The following KLHDC2 variants were observed in gnomAD, a reference collection of about 807,000 sequenced individuals.
KLHDC2 encodes kelch domain containing 2, also known as kelch domain-containing protein 2.
KLHDC2 carries 38 observed loss-of-function variants against 62.3 expected under a neutral mutation model. The observed-to-expected ratio is 0.61, with a 90% CI of 0.47 to 0.80. The LOEUF (loss-of-function observed/expected upper bound fraction) is 0.80, where lower values mean the gene tolerates loss of function less well. Among genes scored for constraint, KLHDC2 ranks in the 30% least tolerant of loss-of-function variants. The pLI is 0.00. For synonymous variants in KLHDC2, 159 were observed against 161.0 expected (o/e 0.99, Z 0.09); for missense variants, 430 against 495.3 (o/e 0.87, Z 1.25).
At position 49,780,554 on chromosome 14, in the gene KLHDC2, T is replaced by G. The variant is rs181926914; in HGVS notation, c.884-149T>G. 372 of 677,034 alleles carry G rather than the reference T, an allele frequency of 5.5e-4. 1 individual carries two copies. The African/African-American group carries it at 5.5e-3, about 10-fold the overall frequency. 41.9% of individuals were successfully genotyped at this position (677,034 alleles called of 1,614,324 possible). On this transcript the variant is annotated intron_variant, in intron 9 of 12. Transcript: ENST00000298307. ...GAAGGGCTACAACATGCAAAGGGCT[T>G]ACTTGGCTAATTGCAGGGGGGGGAA...
chr14:49,768,234 C>G lies in KLHDC2; in HGVS notation c.-235C>G. 1 of 387,048 alleles carries G rather than the reference C, an allele frequency of 2.6e-6. No homozygotes were observed. The highest frequency in any genetic ancestry group is 6.5e-5 in the South Asian group (1 of 15,378). 24.0% of individuals were successfully genotyped at this position (387,048 alleles called of 1,614,324 possible). The stretch of plus-strand genomic sequence containing the variant: ...AGTCCCGGGCCCGCGCCGCCGCCGC[C>G]CGGCTCCGCTCGCGGCCCCTCTGTC... On this transcript the variant is annotated 5_prime_UTR_variant, in exon 1 of 13. Coordinates refer to ENST00000298307, the MANE Select transcript of KLHDC2 (RefSeq NM_014315.3).
chr14:49,778,009 C>T (rs956828845), intron 4 of KLHDC2, 55 bp downstream of exon 4: 2 of 1,122,288 alleles, frequency 1.8e-6, no homozygotes, highest in African/African-American at 3.1e-5. Flanking sequence ...GTTTACCATT[C>T]AGGTATCCTT....
At chr14:49,769,782 CAAAA>C (rs5808513) in intron 1 of KLHDC2, among the ~76,000 whole-genome samples, 1 of 150,452 alleles carries the variant, frequency 6.6e-6, no homozygotes, top group African/African-American at 2.4e-5. Flanking sequence ...ACTAAAAATA[CAAAA>C]AAAAAAATTA....
intron 9 of KLHDC2, 80 bp from the exon 10 acceptor site, chr14:49,780,623 C>T: frequency 1.0e-6 from 1 of 975,718 alleles, no homozygotes. Flanking sequence ...GATCTATTAC[C>T]TTTCTTGCCA....
At chr14:49,774,802 T>C (rs952740625) in intron 3 of KLHDC2, 124 bp downstream of exon 3, 2 of 745,968 alleles carry the variant, frequency 2.7e-6, no homozygotes, top group African/African-American at 3.5e-5. Context: ...GTGTACTTGA[T>C]TATGATATGA....
Position 49,784,666 on chromosome 14 carries a change from T to C in KLHDC2, c.*1713T>C. ...TCCTTTTTACGTTCAGAAGATTGGG[T>C]GCAGACACTTTCACTTTGCCAGGAA... is the stretch of plus-strand genomic sequence containing the variant. On this transcript the variant is annotated 3_prime_UTR_variant, in exon 13 of 13. Transcript: ENST00000298307. 1.9e-6 allele frequency: 3 copies of C among 1,612,364 alleles called. No individual in the cohort carries two copies. The highest frequency in any genetic ancestry group is 2.5e-6 in the Non-Finnish European group (3 of 1,179,100).
chr14:49,777,587 C>T (rs1284096806), intron 3 of KLHDC2, among the ~76,000 whole-genome samples: 1 of 140,518 alleles, frequency 7.1e-6, no homozygotes, highest in African/African-American at 2.6e-5. Context: ...GACCCTGTCT[C>T]TTAAAAAAAA....
In KLHDC2 at chr14:49,783,063, G is replaced by GC. The variant is rs1384348019; in HGVS notation, c.*110_*111insC. 8.6e-7 allele frequency: 1 copy of GC among 1,157,090 alleles called. No individual in the cohort carries two copies. The highest frequency in any genetic ancestry group is 2.5e-5 in the Admixed American group (1 of 39,346). 71.7% of individuals were successfully genotyped at this position (1,157,090 alleles called of 1,614,324 possible). On this transcript the variant is annotated 3_prime_UTR_variant, in exon 13 of 13. Transcript: ENST00000298307. Reference sequence around the variant, plus strand: ...TGCATTGTTGTAGTTTGCACCTGTTGGTTTTAATGTGCATGTGAATGGCCT... The same window carrying GC: ...TGCATTGTTGTAGTTTGCACCTGTTGCGTTTTAATGTGCATGTGAATGGCCT...
rs527236943 is a variant in KLHDC2 at position 49,777,054 on chromosome 14, A to C, written c.352-785A>C. On this transcript the variant is annotated intron_variant, in intron 3 of 12. Transcript: ENST00000298307. ...ATGTGGTGCATATATATACCAGGGA[A>C]TACTACTCCGCCATAAGAAGGAACA... Among the ~76,000 whole-genome samples, 13 of 152,282 alleles carry C rather than the reference A, an allele frequency of 8.5e-5. No individual in the cohort carries two copies. In the South Asian group the frequency reaches 2.5e-3, roughly 29 times the overall value.
rs764793049 is a variant in KLHDC2, at chr14:49,768,573, C to T, written c.105C>T (p.His35=). 2 of 1,606,330 alleles carry T rather than the reference C, an allele frequency of 1.2e-6. No individual in the cohort carries two copies. Among genetic ancestry groups the T allele is most frequent in the African/African-American group, 1.3e-5 (1 of 74,378 alleles). Residue 35 remains histidine, a synonymous_variant, in exon 1 of 13, where the codon CAC becomes CAT. Coordinates refer to ENST00000298307, the MANE Select transcript of KLHDC2 (RefSeq NM_014315.3). ...CCTGCCCCGCTGAGCGCAGCGGCCACGTAGCCGTCAGCGACGGGCGCCACA... is the reference window on the plus strand; with the variant it reads ...CCTGCCCCGCTGAGCGCAGCGGCCATGTAGCCGTCAGCGACGGGCGCCACA... ...ELACPAERSG[H]VAVSDGRHMF... is the part of the protein sequence containing the mutation.
intron 2 of KLHDC2, among the ~76,000 whole-genome samples, chr14:49,773,405 C>G (rs1190900650): frequency 5.4e-5 from 5 of 91,782 alleles, no homozygotes; most frequent in Admixed American, 1.2e-4. Context: ...AAGAGTCAGA[C>G]TCCATCTCAA....
In KLHDC2 at chr14:49,784,975, G is replaced by A. The variant is rs188828470; in HGVS notation, c.*2022G>A. ...TCTCTTGCTGTTGCTTCTTTGGAAT[G>A]CATGAAACTATTCAAGGCTGTTTTT... is the stretch of plus-strand genomic sequence containing the variant. On this transcript the variant is annotated 3_prime_UTR_variant, in exon 13 of 13. Transcript: ENST00000298307. The A allele has an allele frequency of 4.2e-4, 677 of 1,613,786 alleles. No homozygotes were observed. The highest frequency in any genetic ancestry group is 5.4e-4 in the Non-Finnish European group (634 of 1,179,834).
chr14:49,768,856 C>T lies in KLHDC2; in HGVS notation c.153+235C>T, dbSNP rs949370998. ...GCTGCTGTCATGTCACCCTGGTGCTCACAAAGCCAACTCACTCCCACCCCC... is the reference window on the plus strand; with the variant it reads ...GCTGCTGTCATGTCACCCTGGTGCTTACAAAGCCAACTCACTCCCACCCCC... On this transcript the variant is annotated intron_variant, in intron 1 of 12. Transcript: ENST00000298307. 1.4e-5 allele frequency: 7 copies of T among 489,162 alleles called. No individual in the cohort carries two copies. The African/African-American group carries it at 1.4e-4, about 10-fold the overall frequency. The allele number at this position is 489,162 out of a possible 1,614,324, so 30.3% of individuals were successfully genotyped here.
At chr14:49,781,385 A>AAAAG (rs35304736) in intron 10 of KLHDC2, among the ~76,000 whole-genome samples, 2 of 150,732 alleles carry the variant, frequency 1.3e-5, no homozygotes, top group Admixed American at 6.6e-5. Context: ...AAAAAAAAAA[A>AAAAG]GGGGGTAGAG....
intron 6 of KLHDC2, 113 bp from the exon 7 acceptor site, chr14:49,779,482 C>A (rs949043764): frequency 6.1e-5 from 44 of 718,044 alleles, no homozygotes; most frequent in Non-Finnish European, 7.8e-5. Flanking sequence ...GTCTACACTC[C>A]CAACTTTTAA....
chr14:49,768,277 G>T lies in KLHDC2; in HGVS notation c.-192G>T, dbSNP rs1228162901. ...CCTCTGTCTGCAGGCGTGCCCCGGC[G>T]GCGGCGGAGAGCCGTCCTCGGCCGA... On this transcript the variant is annotated 5_prime_UTR_variant, in exon 1 of 13. Coordinates refer to ENST00000298307, the MANE Select transcript of KLHDC2 (RefSeq NM_014315.3). 5.4e-6 allele frequency: 3 copies of T among 551,586 alleles called. No individual in the cohort carries two copies. The highest frequency in any genetic ancestry group is 9.0e-6 in the Non-Finnish European group (3 of 332,752). 34.2% of individuals were successfully genotyped at this position (551,586 alleles called of 1,614,324 possible).
chr14:49,777,890 A>G lies in KLHDC2; in HGVS notation c.403A>G (p.Ile135Val), dbSNP rs751669464. The change falls in exon 4 of 13, where the codon ATT (isoleucine) becomes GTT (valine). Residue 135 changes from isoleucine (I) to valine (V), a missense_variant. Physicochemically the swap from Ile to Val is conservative, Grantham distance 29 (BLOSUM62 3). Coordinates refer to ENST00000298307, the MANE Select transcript of KLHDC2 (RefSeq NM_014315.3). ...STDRVLQWERIDCQGIPPSSK... is the reference protein window; with the variant it reads ...STDRVLQWERVDCQGIPPSSK... The stretch of plus-strand genomic sequence containing the variant: ...AGACAGAGTGTTACAGTGGGAAAGA[A>G]TTGATTGCCAAGGAATTCCTCCATC... The G allele has an allele frequency of 1.6e-5, 25 of 1,612,438 alleles. No homozygotes were observed. In the Admixed American group the frequency reaches 4.2e-4, roughly 27 times the overall value.
At position 49,785,328 on chromosome 14, in the gene KLHDC2, G is replaced by A; in HGVS notation, c.*2375G>A. ...AGAATCAAATAGGTTTTCCTAAAAA[G>A]GGAAAATAACAGTTACAAAGGCAAT... is the stretch of plus-strand genomic sequence containing the variant. On this transcript the variant is annotated 3_prime_UTR_variant, in exon 13 of 13. Transcript: ENST00000298307. The A allele has an allele frequency of 1.2e-6, 2 of 1,605,750 alleles. No homozygotes were observed. The highest frequency in any genetic ancestry group is 2.2e-5 in the East Asian group (1 of 44,782).
chr14:49,775,187 G>A (rs937763294), intron 3 of KLHDC2, among the ~76,000 whole-genome samples: 1 of 152,154 alleles, frequency 6.6e-6, no homozygotes, highest in Non-Finnish European at 1.5e-5. Context: ...TTCTCTTTCA[G>A]ACCAATAAGA....
Sources: allele counts gnomAD v4.1 joint callset (sites outside exome capture counted in the v4.1 genomes callset), GRCh38; gene constraint gnomAD v4.1.1; transcripts MANE v1.5; gene names NCBI Gene and HGNC (gene_info 2026-07-23, HGNC 2026-07-21).